MAP3K4: variants seen among roughly 807,000 people sequenced by gnomAD.
MAP3K4 encodes the protein mitogen-activated protein kinase kinase kinase 4.
Under a neutral mutation model 185.6 loss-of-function variants are expected in MAP3K4, and 67 were observed. That is an observed-to-expected ratio of 0.36 (90% CI 0.30 to 0.44). The LOEUF (loss-of-function observed/expected upper bound fraction) is 0.44, where lower values mean the gene tolerates loss of function less well. Among genes scored for constraint, MAP3K4 ranks in the 20% least tolerant of loss-of-function variants. MAP3K4 has a pLI of 1.00. For synonymous variants in MAP3K4, 702 were observed against 710.4 expected (o/e 0.99, Z 0.19); for missense variants, 1,551 against 1,995.1 (o/e 0.78, Z 4.24).
At position 161,112,040 on chromosome 6, in the gene MAP3K4, G is replaced by A; in HGVS notation, c.4519+82G>A. The A allele has an allele frequency of 6.4e-7, 1 of 1,552,998 alleles. No homozygotes were observed. The highest frequency in any genetic ancestry group is 1.2e-5 in the South Asian group (1 of 81,086). Reference sequence around the variant, plus strand: ...CTGCATGTTCCCTTCACCTTTGTTTGTCAGTAGAGATGGGAGAGCAGGTAA... The same window carrying A: ...CTGCATGTTCCCTTCACCTTTGTTTATCAGTAGAGATGGGAGAGCAGGTAA... On this transcript the variant is annotated intron_variant, in intron 24 of 26. Transcript: ENST00000392142. This position sits in a 1 kb window ranked among gnomAD's most constrained non-coding sequence, Gnocchi z 5.1.
chr6:161,062,297 G>A (rs1247436536), intron 3 of MAP3K4, among the ~76,000 whole-genome samples: 1 of 152,030 alleles, frequency 6.6e-6, no homozygotes, highest in Non-Finnish European at 1.5e-5. Flanking sequence ...CCCCCAGATG[G>A]TGGTGGTGTG....
At chr6:161,046,987 C>G (rs1783756520) in intron 2 of MAP3K4, among the ~76,000 whole-genome samples, 1 of 146,316 alleles carries the variant, frequency 6.8e-6, no homozygotes, top group Admixed American at 6.8e-5. Context: ...GAAATATATA[C>G]TAAGAGATTA....
rs1241357951 is a variant in MAP3K4, at chr6:161,007,640, C to A, written c.152+15557C>A. ...AATACCCAGACATGATCCTGTATAG[C>A]CTCTGAAAATCTGTAAAGGTTTTTC... On this transcript the variant is annotated intron_variant, in intron 1 of 26. Transcript: ENST00000392142. The surrounding 1 kb of genome is among the most constrained non-coding windows in gnomAD (Gnocchi z 4.5). Among the ~76,000 whole-genome samples, 2 of 152,138 alleles carry A rather than the reference C, an allele frequency of 1.3e-5. No individual in the cohort carries two copies. The highest frequency in any genetic ancestry group is 2.1e-4 in the South Asian group (1 of 4,822).
intron 1 of MAP3K4, among the ~76,000 whole-genome samples, chr6:161,019,763 A>G (rs772117989): frequency 5.9e-5 from 9 of 152,156 alleles, no homozygotes; most frequent in Non-Finnish European, 1.3e-4. Context: ...TTGATTATGA[A>G]CCATTTAAGG....
At position 161,110,082 on chromosome 6, in the gene MAP3K4, A is replaced by C. The variant is rs576861647; in HGVS notation, c.4396+168A>C. 6.6e-6 allele frequency among the ~76,000 whole-genome samples: 1 copy of C among 152,322 alleles called. No homozygotes were observed. The highest frequency in any genetic ancestry group is 2.1e-4 in the South Asian group (1 of 4,824). Reference sequence around the variant, plus strand: ...ATCCTGTATTCAGAAACAAGGTAGAACTCATGTCTCTCTACCCAGGAGTCC... The same window carrying C: ...ATCCTGTATTCAGAAACAAGGTAGACCTCATGTCTCTCTACCCAGGAGTCC... On this transcript the variant is annotated intron_variant, in intron 23 of 26. Transcript: ENST00000392142. The surrounding 1 kb of genome is among the most constrained non-coding windows in gnomAD (Gnocchi z 4.8).
At chr6:161,011,364 G>T (rs1781834896) in intron 1 of MAP3K4, among the ~76,000 whole-genome samples, 1 of 152,074 alleles carries the variant, frequency 6.6e-6, no homozygotes, top group African/African-American at 2.4e-5. Context: ...TCAGGATTCT[G>T]TTTTTTGGGA....
intron 3 of MAP3K4, among the ~76,000 whole-genome samples, chr6:161,058,125 GA>G (rs1439217007): frequency 6.6e-6 from 1 of 152,246 alleles, no homozygotes; most frequent in African/African-American, 2.4e-5. Context: ...GCAGAGCCAG[GA>G]TATGAACCCA....
Position 161,087,390 on chromosome 6 carries a change from GCTGCCTTGC to G in MAP3K4, c.2557-295_2557-287del, listed in dbSNP as rs1785781650. Among the ~76,000 whole-genome samples the G allele has an allele frequency of 6.6e-6, 1 of 152,178 alleles. No homozygotes were observed. Among genetic ancestry groups the G allele is most frequent in the Admixed American group, 6.5e-5 (1 of 15,274 alleles). On this transcript the variant is annotated intron_variant, in intron 9 of 26. Transcript: ENST00000392142. The surrounding 1 kb of genome is among the most constrained non-coding windows in gnomAD (Gnocchi z 4.9). Reference sequence around the variant, plus strand: ...CTAGCAGTGGTTGAGGTTCTTTCAGGCTGCCTTGCCTCCCCGTCGAGTATTTTCTTTGTT... The same window carrying G: ...CTAGCAGTGGTTGAGGTTCTTTCAGGCTCCCCGTCGAGTATTTTCTTTGTT...
At chr6:161,026,352 G>A (rs995893382) in intron 1 of MAP3K4, among the ~76,000 whole-genome samples, 15 of 151,982 alleles carry the variant, frequency 9.9e-5, no homozygotes, top group Admixed American at 2.6e-4. Flanking sequence ...AGCCAGGATG[G>A]TCTTGATCTT....
At position 161,046,612 on chromosome 6, in the gene MAP3K4, A is replaced by C. The variant is rs1020037486; in HGVS notation, c.344-2004A>C. ...TTTAAAACCTTTTTTGATGGATCAT[A>C]AAGTAAATTTAAGGCAAGTTTAATA... On this transcript the variant is annotated intron_variant, in intron 2 of 26. Transcript: ENST00000392142. 1.3e-4 allele frequency among the ~76,000 whole-genome samples: 19 copies of C among 151,896 alleles called. No homozygotes were observed. The East Asian group carries it at 3.7e-3, about 29-fold the overall frequency.
In MAP3K4 at chr6:161,092,155, G is replaced by A; in HGVS notation, c.3269+12G>A. Reference sequence around the variant, plus strand: ...GGTACAAGACCCAGGTAATGACCAAGTAGGATGTTTCTGAAATGTGTCATG... The same window carrying A: ...GGTACAAGACCCAGGTAATGACCAAATAGGATGTTTCTGAAATGTGTCATG... On this transcript the variant is annotated intron_variant, in intron 13 of 26. Transcript: ENST00000392142. 3 of 1,613,524 alleles carry A rather than the reference G, an allele frequency of 1.9e-6. No individual in the cohort carries two copies. The highest frequency in any genetic ancestry group is 2.5e-6 in the Non-Finnish European group (3 of 1,179,646).
At chr6:161,029,997 A>G (rs1225483565) in intron 1 of MAP3K4, among the ~76,000 whole-genome samples, 1 of 152,196 alleles carries the variant, frequency 6.6e-6, no homozygotes. Context: ...GTTTTCAGCA[A>G]TTTGGTTATG....
intron 1 of MAP3K4, among the ~76,000 whole-genome samples, chr6:160,998,138 G>A (rs1230052502): frequency 1.3e-5 from 2 of 152,116 alleles, no homozygotes; most frequent in Non-Finnish European, 2.9e-5. Context: ...TCCCAAGTAG[G>A]TGGTACTACA....
In MAP3K4 at chr6:161,096,907, T is replaced by G. The variant is rs1432261688; in HGVS notation, c.3428-173T>G. 20 of 520,976 alleles carry G rather than the reference T, an allele frequency of 3.8e-5. No homozygotes were observed. The South Asian group carries it at 5.8e-4, about 15-fold the overall frequency. The allele number at this position is 520,976 out of a possible 1,614,324, so 32.3% of individuals were successfully genotyped here. ...TAGGGCTTTACTGACTTTTAAAAAG[T>G]GACATTTTCCATAATATTTGTATAT... On this transcript the variant is annotated intron_variant, in intron 15 of 26. Coordinates refer to ENST00000392142, the MANE Select transcript of MAP3K4 (RefSeq NM_005922.4). This position sits in a 1 kb window ranked among gnomAD's most constrained non-coding sequence, Gnocchi z 4.9.
chr6:161,109,872 A>G lies in MAP3K4; in HGVS notation c.4354A>G (p.Asn1452Asp), dbSNP rs780036188. Residue 1452 changes from asparagine (N) to aspartate (D), a missense_variant, in exon 23 of 27, where the codon AAC becomes GAC. By Grantham distance (23) the Asn-to-Asp change is conservative (BLOSUM62 1). This residue lies in a region of MAP3K4 where 159 missense variants were observed against 300.5 expected (regional missense o/e 0.53). Transcript: ENST00000392142. This position sits in a 1 kb window ranked among gnomAD's most constrained non-coding sequence, Gnocchi z 5.7. ...TTCAAAGCAGATCACCATTGCGATC[A>G]ACGTCCTCCATGAGCATGGCATAGT... ...LYSKQITIAI[N>D]VLHEHGIVHR... 3.1e-6 allele frequency: 5 copies of G among 1,614,034 alleles called. No individual in the cohort carries two copies. In the South Asian group the frequency reaches 5.5e-5, roughly 18 times the overall value.
Position 161,103,615 on chromosome 6 carries a change from A to G in MAP3K4, c.3856+836A>G, listed in dbSNP as rs1180150565. On this transcript the variant is annotated intron_variant, in intron 19 of 26. Coordinates refer to ENST00000392142, the MANE Select transcript of MAP3K4 (RefSeq NM_005922.4). The surrounding 1 kb of genome is among the most constrained non-coding windows in gnomAD (Gnocchi z 4.6). ...AGAGTGAGGGGAGATCAGATCATGG[A>G]CAGCCATCAGTGACTGCCTAAGTAA... is the stretch of plus-strand genomic sequence containing the variant. 1.3e-5 allele frequency among the ~76,000 whole-genome samples: 2 copies of G among 152,188 alleles called. No individual in the cohort carries two copies. The highest frequency in any genetic ancestry group is 2.9e-5 in the Non-Finnish European group (2 of 68,034).
In MAP3K4 at chr6:161,071,162, T is replaced by C. The variant is rs1300314185; in HGVS notation, c.1950+312T>C. On this transcript the variant is annotated intron_variant, in intron 4 of 26. Coordinates refer to ENST00000392142, the MANE Select transcript of MAP3K4 (RefSeq NM_005922.4). The surrounding 1 kb of genome is among the most constrained non-coding windows in gnomAD (Gnocchi z 4.6). ...AGGTAGAGTATAAGATTCTTAAATT[T>C]ATTTATTTTTTCTATTTGAAGTACA... Among the ~76,000 whole-genome samples the C allele has an allele frequency of 6.6e-6, 1 of 152,214 alleles. No individual in the cohort carries two copies. Among genetic ancestry groups the C allele is most frequent in the Non-Finnish European group, 1.5e-5 (1 of 68,038 alleles).
Position 161,101,461 on chromosome 6 carries a change from G to GGCCA in MAP3K4, c.3675-430_3675-429insCCAG, listed in dbSNP as rs1777835552. ...GGTTAATAACAGTTTTATTCACCCT[G>GGCCA]GGCTTAAGTTATGGAGCTTTTCACA... On this transcript the variant is annotated intron_variant, in intron 17 of 26. Coordinates refer to ENST00000392142, the MANE Select transcript of MAP3K4 (RefSeq NM_005922.4). The surrounding 1 kb of genome is among the most constrained non-coding windows in gnomAD (Gnocchi z 5.1). The GGCCA allele has an allele frequency of 6.5e-6, 1 of 152,788 alleles. No individual in the cohort carries two copies. The highest frequency in any genetic ancestry group is 1.5e-5 in the Non-Finnish European group (1 of 68,508). 9.5% of individuals were successfully genotyped at this position (152,788 alleles called of 1,614,324 possible). A position where few individuals can be genotyped will look rare whatever the true frequency, so the allele number is the denominator to read the frequency against.
rs929715045 is a variant in MAP3K4 at position 161,051,663 on chromosome 6, G to C, written c.1707+1684G>C. Among the ~76,000 whole-genome samples the C allele has an allele frequency of 4.6e-5, 7 of 152,194 alleles. No individual in the cohort carries two copies. Among genetic ancestry groups the C allele is most frequent in the Non-Finnish European group, 1.0e-4 (7 of 68,036 alleles). ...TTGGTATCTCATCCCAGGGGGATTT[G>C]TTCCAGGACCCCCATGGACACTCAA... On this transcript the variant is annotated intron_variant, in intron 3 of 26. Coordinates refer to ENST00000392142, the MANE Select transcript of MAP3K4 (RefSeq NM_005922.4). This position sits in a 1 kb window ranked among gnomAD's most constrained non-coding sequence, Gnocchi z 4.2.
Sources: allele counts gnomAD v4.1 joint callset (sites outside exome capture counted in the v4.1 genomes callset), GRCh38; gene constraint gnomAD v4.1.1; regional missense constraint gnomAD v4.1.1; non-coding constraint Gnocchi (gnomAD v3.1); transcripts MANE v1.5; gene names NCBI Gene and HGNC (gene_info 2026-07-23, HGNC 2026-07-21).